SLC35E2B: variants seen among roughly 807,000 people sequenced by gnomAD.
SLC35E2B encodes solute carrier family 35, member E2B.
A neutral mutation model predicts 32.4 loss-of-function variants in SLC35E2B; 18 were observed. The ratio of observed to expected loss-of-function variants is 0.56; its 90% confidence interval spans 0.38 to 0.82. SLC35E2B has a LOEUF of 0.82. SLC35E2B is among the 40% of genes least tolerant of loss of function. The pLI, the probability that SLC35E2B is intolerant of heterozygous loss-of-function variation, is 0.00. For missense variants in SLC35E2B, 263 were observed against 469.5 expected, an observed-to-expected ratio of 0.56 and a Z score of 4.06; for synonymous variants, 132 against 209.1, an observed-to-expected ratio of 0.63 and a Z score of 3.18.
intron 9 of SLC35E2B, among the ~76,000 whole-genome samples, chr1:1,667,901 G>A (rs1643586350): frequency 2.0e-5 from 3 of 150,330 alleles, no homozygotes; most frequent in Admixed American, 1.3e-4. Flanking sequence ...CCCCCAGGCT[G>A]GAGTGCAGTG....
At position 1,664,530 on chromosome 1, in the gene SLC35E2B, G is replaced by A; in HGVS notation, c.*1252C>T. ...GAATCCGCCAGCTGCGAGATTGGGG[G>A]TAAAGAGCTCAGACATGGTCAGAAG... On this transcript the variant is annotated 3_prime_UTR_variant, in exon 10 of 10. Coordinates refer to ENST00000617444, the MANE Select transcript of SLC35E2B (RefSeq NM_001290264.2). 1 of 914,600 alleles carries A rather than the reference G, an allele frequency of 1.1e-6. No individual in the cohort carries two copies. Among genetic ancestry groups the A allele is most frequent in the African/African-American group, 1.8e-5 (1 of 54,622 alleles). The allele number at this position is 914,600 out of a possible 1,614,324, so 56.7% of individuals were successfully genotyped here.
In SLC35E2B at chr1:1,665,932, G is replaced by A. The variant is rs1445947039; in HGVS notation, c.1068C>T (p.Gly356=). Reference sequence around the variant, plus strand: ...GGACCCCAACGGTCACCAGGGCTGTGCCAACGGCCGACAAGCTGGTGATCT... The same window carrying A: ...GGACCCCAACGGTCACCAGGGCTGTACCAACGGCCGACAAGCTGGTGATCT... ...GNKITSLSAV[G]TALVTVGVLL... The change falls in exon 10 of 10, where the codon GGC becomes GGT. Residue 356 remains glycine (G), a synonymous_variant. Coordinates refer to ENST00000617444, the MANE Select transcript of SLC35E2B (RefSeq NM_001290264.2). 3 of 1,551,480 alleles carry A rather than the reference G, an allele frequency of 1.9e-6. No homozygotes were observed. The highest frequency in any genetic ancestry group is 2.6e-6 in the Non-Finnish European group (3 of 1,146,992).
chr1:1,665,615 G>T lies in SLC35E2B; in HGVS notation c.*167C>A. 9.1e-7 allele frequency: 1 copy of T among 1,102,298 alleles called. No homozygotes were observed. The highest frequency in any genetic ancestry group is 1.6e-5 in the South Asian group (1 of 60,986). 68.3% of individuals were successfully genotyped at this position (1,102,298 alleles called of 1,614,324 possible). ...AGGAAGCTGATACCTGGAATCCCCAGTTTGAGTTTCTGCTGGTCTTCACCG... is the reference window on the plus strand; with the variant it reads ...AGGAAGCTGATACCTGGAATCCCCATTTTGAGTTTCTGCTGGTCTTCACCG... On this transcript the variant is annotated 3_prime_UTR_variant, in exon 10 of 10. Coordinates refer to ENST00000617444, the MANE Select transcript of SLC35E2B (RefSeq NM_001290264.2).
At chr1:1,673,392 A>G in intron 5 of SLC35E2B, 1 of 410,460 alleles carries the variant, frequency 2.4e-6, no homozygotes, top group African/African-American at 2.1e-5. Context: ...TATTATGGGC[A>G]GGTGCAGCAG....
intron 9 of SLC35E2B, among the ~76,000 whole-genome samples, chr1:1,668,013 C>T (rs1002354146): frequency 2.2e-4 from 34 of 151,974 alleles, no homozygotes; most frequent in East Asian, 1.2e-3. Context: ...GCATCACACC[C>T]GGCTAATTTT....
At chr1:1,674,308 A>C (rs2101101969) in intron 5 of SLC35E2B, 2 of 153,074 alleles carry the variant, frequency 1.3e-5, no homozygotes, top group Middle Eastern at 3.4e-3. Context: ...AGCCCAGCAG[A>C]ATAACGTGGA....
rs1435379638 is a variant in SLC35E2B at position 1,663,730 on chromosome 1, A to G, written c.*2052T>C. ...GTGATCCGCCAGCTGCTGCCTCCCA[A>G]AGTGCTGCGATTAGAGGCGTGAGCC... On this transcript the variant is annotated 3_prime_UTR_variant, in exon 10 of 10. Coordinates refer to ENST00000617444, the MANE Select transcript of SLC35E2B (RefSeq NM_001290264.2). 1 of 579,756 alleles carries G rather than the reference A, an allele frequency of 1.7e-6. No individual in the cohort carries two copies. The highest frequency in any genetic ancestry group is 1.9e-5 in the African/African-American group (1 of 53,026). The allele number at this position is 579,756 out of a possible 1,614,324, so 35.9% of individuals were successfully genotyped here.
intron 5 of SLC35E2B, chr1:1,674,024 G>A (rs888500994): frequency 1.2e-4 from 21 of 178,960 alleles, no homozygotes; most frequent in Non-Finnish European, 2.4e-4. Context: ...TTCCTGTTCT[G>A]CCACTGAAAT....
In SLC35E2B at chr1:1,673,363, T is replaced by TTGG. The variant is rs1338317107; in HGVS notation, c.587-1737_587-1735dup. On this transcript the variant is annotated intron_variant, in intron 5 of 9. Coordinates refer to ENST00000617444, the MANE Select transcript of SLC35E2B (RefSeq NM_001290264.2). ...ATTACAGCAGTGAGGGAAACTGAAG[T>TTGG]TGGTGGTGGTGAGAAAGTTATTATG... 4.0e-5 allele frequency: 18 copies of TTGG among 452,972 alleles called. 1 individual carries two copies. The highest frequency in any genetic ancestry group is 3.2e-4 in the African/African-American group (16 of 49,232). The allele number at this position is 452,972 out of a possible 1,614,324, so 28.1% of individuals were successfully genotyped here. A position where few individuals can be genotyped will look rare whatever the true frequency, so the allele number is the denominator to read the frequency against.
Position 1,687,973 on chromosome 1 carries a change from C to T in SLC35E2B, c.-148+3003G>A, listed in dbSNP as rs1262367657. Among the ~76,000 whole-genome samples the T allele has an allele frequency of 2.0e-5, 3 of 152,074 alleles. 1 individual carries two copies. Among genetic ancestry groups the T allele is most frequent in the African/African-American group, 7.2e-5 (3 of 41,392 alleles). On this transcript the variant is annotated intron_variant, in intron 2 of 9. Transcript: ENST00000617444. ...CCAACCAGGCTTCTTTGAAAAATGA[C>T]TGACTCTCGGGCTGTGGTGGGAAAG...
intron 8 of SLC35E2B, 127 bp from the exon 9 acceptor site, chr1:1,668,599 A>G: frequency 9.6e-6 from 15 of 1,559,454 alleles, no homozygotes; most frequent in Non-Finnish European, 1.3e-5. Context: ...GACAGCCCTG[A>G]AAATGCCTCG....
intron 2 of SLC35E2B, among the ~76,000 whole-genome samples, chr1:1,681,043 C>T (rs1454313321): frequency 6.6e-6 from 1 of 151,774 alleles, no homozygotes; most frequent in Non-Finnish European, 1.5e-5. Context: ...GTTCTCAGCT[C>T]CTCAGCCAAC....
chr1:1,682,874 C>G (rs1034967482), intron 2 of SLC35E2B, among the ~76,000 whole-genome samples: 1 of 151,896 alleles, frequency 6.6e-6, no homozygotes, highest in Non-Finnish European at 1.5e-5. Context: ...GTCAGGAGTT[C>G]GAGACCAATC....
chr1:1,683,351 G>A (rs1015490003), intron 2 of SLC35E2B, among the ~76,000 whole-genome samples: 1 of 152,256 alleles, frequency 6.6e-6, no homozygotes, highest in African/African-American at 2.4e-5. Context: ...GCTTCTGACC[G>A]GCAGCTATAC....
At chr1:1,688,141 G>C (rs1643974017) in intron 2 of SLC35E2B, among the ~76,000 whole-genome samples, 1 of 152,046 alleles carries the variant, frequency 6.6e-6, no homozygotes. Flanking sequence ...TAAAACAACA[G>C]CCCACAAGGC....
intron 2 of SLC35E2B, among the ~76,000 whole-genome samples, chr1:1,684,789 C>CAAAAAAAAA (rs1175219653): frequency 4.2e-5 from 1 of 23,734 alleles, no homozygotes; most frequent in African/African-American, 1.8e-4. Context: ...GACTCCATCT[C>CAAAAAAAAA]AAAAAAAAAA....
In SLC35E2B at chr1:1,675,474, C is replaced by T. The variant is rs2101103822; in HGVS notation, c.575G>A (p.Gly192Glu). Residue 192 changes from glycine (G) to glutamate (E), a missense_variant, in exon 5 of 10, where the codon GGG becomes GAG. Gly to Glu is a moderately conservative substitution (Grantham distance 98). Around this residue, in one of 7 missense-constraint regions of SLC35E2B, gnomAD observed 129 missense variants for 164.5 expected, o/e 0.78. Coordinates refer to ENST00000617444, the MANE Select transcript of SLC35E2B (RefSeq NM_001290264.2). The stretch of plus-strand genomic sequence containing the variant: ...CCCGGGGGCCTCACCTGTGTACTCC[C>T]CCAGAATCATCCGAGACATGATCAC... ...FTVIMSRMIL[G>E]EYTGLLVNLS... The T allele has an allele frequency of 2.5e-6, 4 of 1,611,034 alleles. No homozygotes were observed. Among genetic ancestry groups the T allele is most frequent in the Non-Finnish European group, 3.4e-6 (4 of 1,179,008 alleles).
intron 2 of SLC35E2B, among the ~76,000 whole-genome samples, chr1:1,688,076 C>T (rs1259066890): frequency 6.6e-6 from 1 of 151,898 alleles, no homozygotes; most frequent in Non-Finnish European, 1.5e-5. Flanking sequence ...CGAGGGAGGG[C>T]GCAGGGGGCT....
chr1:1,690,161 C>T (rs1420520317), intron 2 of SLC35E2B, among the ~76,000 whole-genome samples: 5 of 149,252 alleles, frequency 3.4e-5, no homozygotes, highest in Non-Finnish European at 6.0e-5. Flanking sequence ...ATGCCTTTAA[C>T]CCCAGCTGCT....
Sources: allele counts gnomAD v4.1 joint callset (sites outside exome capture counted in the v4.1 genomes callset), GRCh38; gene constraint gnomAD v4.1.1; regional missense constraint gnomAD v4.1.1; transcripts MANE v1.5; gene names NCBI Gene and HGNC (gene_info 2026-07-23, HGNC 2026-07-21).